Variants in GALNT13 observed in about 807,000 individuals in gnomAD.
The protein encoded by GALNT13 is UDP-GalNAc:polypeptide N-acetylgalactosaminyltransferase 13.
A neutral mutation model predicts 64.2 loss-of-function variants in GALNT13; 28 were observed. The ratio of observed to expected loss-of-function variants is 0.44; its 90% CI spans 0.32 to 0.60. The LOEUF is 0.60. Ranked by LOEUF, GALNT13 falls within the 20% of genes least tolerant of loss-of-function variation. The probability of loss-of-function intolerance (pLI) is 0.05; values close to 1 mark genes in which losing one functional copy is unlikely to be tolerated. For synonymous variants in GALNT13, 214 were observed against 224.6 expected (o/e 0.95, Z 0.42); for missense variants, 577 against 669.8 (o/e 0.86, Z 1.53).
At chr2:153,172,169 A>G in the GALNT13 span, 9 of 152,228 alleles carry the variant, frequency 5.9e-5, no homozygotes, top group African/African-American at 2.2e-4. Context: ...GTACCAATCT[A>G]TATTTGATAT....
At chr2:153,674,033 T>C in the GALNT13 span, among the ~76,000 whole-genome samples, 1 of 152,152 alleles carries the variant, frequency 6.6e-6, no homozygotes, top group Non-Finnish European at 1.5e-5. Flanking sequence ...TACAAACCAC[T>C]GCTCAATGAA....
the GALNT13 span, among the ~76,000 whole-genome samples, chr2:153,674,413 C>T: frequency 6.6e-6 from 1 of 152,178 alleles, no homozygotes; most frequent in East Asian, 1.9e-4. Context: ...CTACAACCGT[C>T]TGATCTTTGA....
intron 3 of GALNT13, among the ~76,000 whole-genome samples, chr2:154,126,459 C>A (rs1014750890): frequency 6.6e-6 from 1 of 151,820 alleles, no homozygotes; most frequent in African/African-American, 2.4e-5. Flanking sequence ...CATGGTGAAA[C>A]CCCGTCTCTA....
intron 4 of GALNT13, among the ~76,000 whole-genome samples, chr2:154,146,151 T>C (rs547893167): frequency 6.0e-4 from 81 of 136,108 alleles, no homozygotes; most frequent in African/African-American, 9.1e-4. Flanking sequence ...TATATATATA[T>C]ACACACACAC....
the GALNT13 span, among the ~76,000 whole-genome samples, chr2:153,368,309 A>G: frequency 2.0e-5 from 3 of 152,080 alleles, no homozygotes; most frequent in African/African-American, 7.2e-5. Context: ...AGGAGGAGGC[A>G]CCTGAGCTTC....
At chr2:153,676,860 C>A in the GALNT13 span, among the ~76,000 whole-genome samples, 91 of 152,102 alleles carry the variant, frequency 6.0e-4, no homozygotes, top group Non-Finnish European at 1.1e-3. Flanking sequence ...AATGACCTAA[C>A]CATTGAAGGA....
intron 4 of GALNT13, among the ~76,000 whole-genome samples, chr2:154,184,130 A>T (rs1686119674): frequency 6.6e-6 from 1 of 151,894 alleles, no homozygotes; most frequent in Non-Finnish European, 1.5e-5. Context: ...TGGGTAAAAT[A>T]TATTATACGA....
chr2:154,170,420 T>C (rs1459288406), intron 4 of GALNT13, among the ~76,000 whole-genome samples: 1 of 152,176 alleles, frequency 6.6e-6, no homozygotes, highest in African/African-American at 2.4e-5. Context: ...AGGTAGGAGA[T>C]TTGATGCTGG....
chr2:153,282,439 G>A, the GALNT13 span, among the ~76,000 whole-genome samples: 3 of 152,038 alleles, frequency 2.0e-5, no homozygotes, highest in African/African-American at 7.2e-5. Context: ...AGGATCACAG[G>A]GTCTCACTCT....
intron 3 of GALNT13, among the ~76,000 whole-genome samples, chr2:154,002,507 A>AT (rs936646643): frequency 2.6e-5 from 4 of 151,726 alleles, no homozygotes; most frequent in Admixed American, 2.0e-4. Flanking sequence ...TCTATTTTTT[A>AT]TTGCTTTTGT....
At chr2:154,202,255 C>A (rs2105781588) in intron 4 of GALNT13, among the ~76,000 whole-genome samples, 1 of 152,112 alleles carries the variant, frequency 6.6e-6, no homozygotes, top group South Asian at 2.1e-4. Context: ...TTCAGGAAAA[C>A]CCCTGTAAGG....
chr2:153,091,337 A>G, the GALNT13 span, among the ~76,000 whole-genome samples: 1 of 151,616 alleles, frequency 6.6e-6, no homozygotes, highest in African/African-American at 2.4e-5. Context: ...ATTTATCATG[A>G]CTCCTTAAAT....
intron 10 of GALNT13, 33 bp downstream of exon 10, chr2:154,396,163 T>A: frequency 6.7e-7 from 1 of 1,482,832 alleles, no homozygotes; most frequent in Non-Finnish European, 9.0e-7. Context: ...AAGTTATAAA[T>A]ATATTTTGCA....
the GALNT13 span, among the ~76,000 whole-genome samples, chr2:153,281,457 T>A: frequency 1.3e-5 from 2 of 152,212 alleles, no homozygotes; most frequent in African/African-American, 4.8e-5. Flanking sequence ...TAGTTTCAAA[T>A]GTGTGGCTGC....
chr2:153,480,531 ACT>A, the GALNT13 span, among the ~76,000 whole-genome samples: 4 of 151,970 alleles, frequency 2.6e-5, no homozygotes. Flanking sequence ...AAAATACCTC[ACT>A]CTCGGCAATT....
chr2:154,313,588 G>A (rs1232279672), intron 9 of GALNT13, among the ~76,000 whole-genome samples: 2 of 151,828 alleles, frequency 1.3e-5, no homozygotes, highest in Admixed American at 6.6e-5. Context: ...CCAAGTAGCT[G>A]GGACTATAGG....
chr2:153,803,464 G>T, the GALNT13 span, among the ~76,000 whole-genome samples: 4 of 152,144 alleles, frequency 2.6e-5, no homozygotes, highest in Admixed American at 6.5e-5. Context: ...AGGCCAAGGC[G>T]GGCGGATCAC....
the GALNT13 span, among the ~76,000 whole-genome samples, chr2:153,630,797 ATATATATATATTTTTTTTT>A: frequency 1.6e-3 from 27 of 16,474 alleles, no homozygotes; most frequent in African/African-American, 5.7e-3. Flanking sequence ...ATATATATAT[ATATATATATATTTTTTTTT>A]TTTTTTTTAT....
At chr2:154,287,340 G>A (rs894165332) in intron 8 of GALNT13, 12 of 592,594 alleles carry the variant, frequency 2.0e-5, no homozygotes, top group Non-Finnish European at 3.4e-5. Flanking sequence ...TGGAAGCAGC[G>A]AGACATTGCA....
Sources: gnomAD v4.1 joint callset for allele counts (sites outside exome capture counted in the v4.1 genomes callset) on GRCh38, gnomAD v4.1.1 for gene constraint, MANE v1.5 for transcripts, NCBI Gene and HGNC (gene_info 2026-07-23, HGNC 2026-07-21) for gene names.